The following THSD4 variants were observed in gnomAD, a reference collection of about 807,000 sequenced individuals.
THSD4 encodes thrombospondin type-1 domain-containing protein 4.
A neutral mutation model predicts 119.0 loss-of-function variants in THSD4; 69 were observed. The observed-to-expected ratio is 0.58, with a 90% CI of 0.48 to 0.71. The LOEUF is 0.71. Ranked by LOEUF, THSD4 falls within the 30% of genes least tolerant of loss-of-function variation. The probability of loss-of-function intolerance (pLI) is 0.00; values close to 1 mark genes in which losing one functional copy is unlikely to be tolerated. For missense variants in THSD4, 1,393 were observed against 1,391.1 expected (o/e 1.00, Z -0.02); for synonymous variants, 524 against 540.4 (o/e 0.97, Z 0.42).
intron 7 of THSD4, among the ~76,000 whole-genome samples, chr15:71,618,970 T>A (rs2050371527): frequency 1.3e-5 from 2 of 151,484 alleles, no homozygotes; most frequent in Admixed American, 1.3e-4. Context: ...TACTTGAATA[T>A]TCTTTTTTTT....
chr15:71,480,950 A>G (rs913290788), intron 7 of THSD4, among the ~76,000 whole-genome samples: 6 of 152,166 alleles, frequency 3.9e-5, no homozygotes, highest in African/African-American at 1.2e-4. Context: ...GACTTTTTTT[A>G]TAGATTCATA....
At chr15:71,455,581 A>T (rs1273637717) in intron 7 of THSD4, among the ~76,000 whole-genome samples, 1 of 152,070 alleles carries the variant, frequency 6.6e-6, no homozygotes, top group Non-Finnish European at 1.5e-5. Flanking sequence ...AGCATTAGGG[A>T]TTCATTCCTT....
Position 71,322,102 on chromosome 15 carries a change from T to A in THSD4, c.1015+65387T>A, listed in dbSNP as rs74596391. Reference sequence around the variant, plus strand: ...TAAAATGCACCTAATAATGGTTTTTTAAAATTCATTGACGTTTATACAGTG... The same window carrying A: ...TAAAATGCACCTAATAATGGTTTTTAAAAATTCATTGACGTTTATACAGTG... On this transcript the variant is annotated intron_variant, in intron 6 of 17. Transcript: ENST00000261862. Among the ~76,000 whole-genome samples, 296 of 152,326 alleles carry A rather than the reference T, an allele frequency of 1.9e-3. 3 individuals are homozygous for A. In the East Asian group the frequency reaches 0.051, roughly 26 times the overall value.
At chr15:71,695,502 A>ATGTGTGTGTGTGTGTGTGTG (rs3086738) in intron 8 of THSD4, among the ~76,000 whole-genome samples, 3 of 144,128 alleles carry the variant, frequency 2.1e-5, no homozygotes, top group African/African-American at 7.7e-5. Flanking sequence ...GTGTGTGTGC[A>ATGTGTGTGTGTGTGTGTGTG]TGTGTGTGTG....
intron 7 of THSD4, among the ~76,000 whole-genome samples, chr15:71,584,017 T>C (rs1054441230): frequency 2.0e-5 from 3 of 152,224 alleles, no homozygotes; most frequent in Middle Eastern, 6.8e-3. Context: ...AAGGCCCCTA[T>C]TATTATTGTA....
At chr15:71,404,243 C>T (rs1385208166) in intron 6 of THSD4, among the ~76,000 whole-genome samples, 2 of 152,116 alleles carry the variant, frequency 1.3e-5, no homozygotes, top group Non-Finnish European at 2.9e-5. Flanking sequence ...AGTCACTCCA[C>T]ATTATCCCCT....
intron 8 of THSD4, among the ~76,000 whole-genome samples, chr15:71,674,743 G>C (rs1186149579): frequency 6.6e-6 from 1 of 152,052 alleles, no homozygotes; most frequent in Non-Finnish European, 1.5e-5. Flanking sequence ...GAGGCATTTC[G>C]ATTGTTACAG....
chr15:71,621,540 C>G (rs527892371), intron 7 of THSD4, among the ~76,000 whole-genome samples: 1 of 152,160 alleles, frequency 6.6e-6, no homozygotes, highest in South Asian at 2.1e-4. Context: ...AATATTGTAC[C>G]TATTAAATAA....
At chr15:71,161,258 A>G (rs548727686) in intron 3 of THSD4, among the ~76,000 whole-genome samples, 2 of 152,168 alleles carry the variant, frequency 1.3e-5, no homozygotes, top group African/African-American at 4.8e-5. Context: ...ATTATTTGTT[A>G]GGTCCATTTG....
chr15:71,183,409 G>T (rs2043556985), intron 3 of THSD4, among the ~76,000 whole-genome samples: 1 of 151,736 alleles, frequency 6.6e-6, no homozygotes, highest in Admixed American at 6.6e-5. Context: ...CAGATTGCCT[G>T]GTTAATACCT....
chr15:71,658,720 G>C (rs1168585768), intron 7 of THSD4, among the ~76,000 whole-genome samples: 1 of 152,208 alleles, frequency 6.6e-6, no homozygotes, highest in Non-Finnish European at 1.5e-5. Context: ...AGAAGGATTT[G>C]AGGGAGGAGA....
intron 6 of THSD4, among the ~76,000 whole-genome samples, chr15:71,340,895 C>T (rs2045558514): frequency 6.6e-6 from 1 of 152,122 alleles, no homozygotes; most frequent in African/African-American, 2.4e-5. Flanking sequence ...CCACCGTGCC[C>T]AGCCCCAGAG....
At chr15:71,739,440 A>AG (rs1281812466) in intron 11 of THSD4, among the ~76,000 whole-genome samples, 2 of 152,220 alleles carry the variant, frequency 1.3e-5, no homozygotes, top group Non-Finnish European at 2.9e-5. Flanking sequence ...GCAGTGTTAC[A>AG]GGGGTCACAT....
chr15:71,195,415 A>C (rs1172408814), intron 3 of THSD4, among the ~76,000 whole-genome samples: 1 of 152,192 alleles, frequency 6.6e-6, no homozygotes, highest in Admixed American at 6.5e-5. Flanking sequence ...GGGAGGAAGG[A>C]CATTTATCTT....
intron 7 of THSD4, among the ~76,000 whole-genome samples, chr15:71,482,147 A>G (rs4777394): frequency 0.96 from 146,571 of 152,290 alleles, 70,796 homozygotes; most frequent in East Asian, 1. Flanking sequence ...AAGAAGTCTG[A>G]AGGTAGACAG....
chr15:71,739,741 C>T (rs577155950), intron 11 of THSD4, among the ~76,000 whole-genome samples: 21 of 151,756 alleles, frequency 1.4e-4, no homozygotes, highest in Admixed American at 5.2e-4. Flanking sequence ...AGGCTGTATC[C>T]CCCAGGAATC....
At chr15:71,608,249 T>TATACACACACACAC (rs772729777) in intron 7 of THSD4, among the ~76,000 whole-genome samples, 46 of 106,230 alleles carry the variant, frequency 4.3e-4, no homozygotes, top group Admixed American at 9.3e-4. Flanking sequence ...TATATATATA[T>TATACACACACACAC]ACACACACAC....
chr15:71,194,355 C>T (rs1348119425), intron 3 of THSD4, among the ~76,000 whole-genome samples: 1 of 152,198 alleles, frequency 6.6e-6, no homozygotes, highest in Non-Finnish European at 1.5e-5. Context: ...GTTGCCTCCT[C>T]CAGCTTTGCC....
At chr15:71,738,115 C>A (rs72744658) in intron 11 of THSD4, 108 bp downstream of exon 11, 41 of 1,412,742 alleles carry the variant, frequency 2.9e-5, no homozygotes, top group Non-Finnish European at 3.7e-5. Context: ...GGACTGGTTT[C>A]GTGGAAGACG....
Sources: allele counts gnomAD v4.1 joint callset (sites outside exome capture counted in the v4.1 genomes callset), GRCh38; gene constraint gnomAD v4.1.1; transcripts MANE v1.5; gene names NCBI Gene and HGNC (gene_info 2026-07-23, HGNC 2026-07-21).